MAD1L1: variants seen among roughly 807,000 people sequenced by gnomAD.
The protein encoded by MAD1L1 is mitotic arrest deficient 1 like 1.
A neutral mutation model predicts 96.9 loss-of-function variants in MAD1L1; 95 were observed. That is an observed-to-expected ratio of 0.98 (90% CI 0.83 to 1.16). The LOEUF (loss-of-function observed/expected upper bound fraction) is 1.16. MAD1L1 is among the 50% of genes most tolerant of loss of function. The pLI is 0.00. For missense variants in MAD1L1, 1,007 were observed against 954.4 expected (o/e 1.06, Z -0.73); for synonymous variants, 473 against 396.6 (o/e 1.19, Z -2.29).
At chr7:2,223,966 T>C (rs1338546911) in intron 4 of MAD1L1, among the ~76,000 whole-genome samples, 1 of 152,064 alleles carries the variant, frequency 6.6e-6, no homozygotes, top group Non-Finnish European at 1.5e-5. Flanking sequence ...TGTTAGAAGG[T>C]GGCTGGAGCT....
At chr7:2,213,349 A>AGTGGT in intron 9 of MAD1L1, 76 bp from the exon 10 acceptor site, 1 of 1,389,088 alleles carries the variant, frequency 7.2e-7, no homozygotes, top group Admixed American at 1.7e-5. Flanking sequence ...AATCATGATC[A>AGTGGT]CGGTGCTAAG....
chr7:2,137,549 G>A (rs1788813179), intron 11 of MAD1L1, among the ~76,000 whole-genome samples: 1 of 152,106 alleles, frequency 6.6e-6, no homozygotes, highest in Non-Finnish European at 1.5e-5. Flanking sequence ...CACCACCTCT[G>A]GCCCAGGTGA....
intron 16 of MAD1L1, among the ~76,000 whole-genome samples, chr7:1,945,207 G>C (rs567382393): frequency 6.6e-6 from 1 of 152,240 alleles, no homozygotes; most frequent in East Asian, 1.9e-4. Context: ...GGGACACCCC[G>C]ATCAGCCTAA....
intron 10 of MAD1L1, among the ~76,000 whole-genome samples, chr7:2,159,778 T>C (rs1020355283): frequency 6.6e-6 from 1 of 152,184 alleles, no homozygotes; most frequent in Admixed American, 6.5e-5. Context: ...ATGGAACTTG[T>C]GTAAGAGGAA....
chr7:1,831,961 T>C (rs901121494), intron 18 of MAD1L1, among the ~76,000 whole-genome samples: 1 of 152,262 alleles, frequency 6.6e-6, no homozygotes, highest in Non-Finnish European at 1.5e-5. Context: ...TTTCTATGAC[T>C]GCTAACACAG....
intron 11 of MAD1L1, among the ~76,000 whole-genome samples, chr7:2,112,693 G>A (rs769693301): frequency 9.2e-5 from 14 of 152,184 alleles, no homozygotes; most frequent in African/African-American, 2.2e-4. Flanking sequence ...CCACCGAGGG[G>A]CCCTGGGGCC....
chr7:1,980,645 C>G, intron 14 of MAD1L1, 104 bp from the exon 15 acceptor site: 1 of 895,658 alleles, frequency 1.1e-6, no homozygotes, highest in Non-Finnish European at 1.8e-6. Context: ...GCACCCCCGC[C>G]CTGGGCTGGG....
intron 18 of MAD1L1, among the ~76,000 whole-genome samples, chr7:1,835,192 T>C (rs1302733457): frequency 6.6e-6 from 1 of 152,068 alleles, no homozygotes; most frequent in Non-Finnish European, 1.5e-5. Context: ...TATCTATGAA[T>C]GACGTACAGA....
intron 15 of MAD1L1, among the ~76,000 whole-genome samples, chr7:1,971,025 T>C (rs1385145410): frequency 2.0e-5 from 3 of 152,182 alleles, no homozygotes; most frequent in Non-Finnish European, 2.9e-5. Context: ...GCAGTTAGAA[T>C]TCAGTAGTGT....
chr7:2,177,038 C>G, intron 10 of MAD1L1, among the ~76,000 whole-genome samples: 1 of 151,746 alleles, frequency 6.6e-6, no homozygotes, highest in South Asian at 2.1e-4. Context: ...AGAAATGGTG[C>G]GCTTCAGTGG....
At chr7:2,079,759 G>A (rs553510533) in intron 11 of MAD1L1, 28 of 470,864 alleles carry the variant, frequency 5.9e-5, no homozygotes, top group Middle Eastern at 3.2e-4. Flanking sequence ...AAGCACGGCC[G>A]CAGGGAGACC....
chr7:1,820,856 C>T (rs553146353), intron 18 of MAD1L1, among the ~76,000 whole-genome samples: 22 of 152,062 alleles, frequency 1.4e-4, no homozygotes, highest in South Asian at 8.3e-4. Context: ...CCGAGGTGGG[C>T]GGATCACGAG....
chr7:2,096,441 C>T (rs1401933480), intron 11 of MAD1L1, among the ~76,000 whole-genome samples: 1 of 152,202 alleles, frequency 6.6e-6, no homozygotes, highest in Admixed American at 6.5e-5. Context: ...CTTTCACTCT[C>T]AAAAGCCAGG....
chr7:2,016,683 T>A (rs1562609952), intron 12 of MAD1L1, among the ~76,000 whole-genome samples: 1 of 4,914 alleles, frequency 2.0e-4, no homozygotes, highest in African/African-American at 2.3e-4. Context: ...GGGGCTCTCC[T>A]GCCGTCTGTC....
intron 12 of MAD1L1, among the ~76,000 whole-genome samples, chr7:2,047,546 T>C (rs920401317): frequency 6.6e-6 from 1 of 152,238 alleles, no homozygotes; most frequent in Non-Finnish European, 1.5e-5. Flanking sequence ...TGCTGTTTAA[T>C]AACTATCACA....
intron 18 of MAD1L1, among the ~76,000 whole-genome samples, chr7:1,818,101 T>TTTCAC (rs2128618630): frequency 6.6e-6 from 1 of 152,262 alleles, no homozygotes; most frequent in South Asian, 2.1e-4. Flanking sequence ...GAGAAAATCC[T>TTTCAC]TTCACTTCTG....
At chr7:2,160,233 CAAA>C (rs528993860) in intron 10 of MAD1L1, among the ~76,000 whole-genome samples, 4 of 109,402 alleles carry the variant, frequency 3.7e-5, no homozygotes, top group Non-Finnish European at 3.8e-5. Flanking sequence ...TACCCTGTCT[CAAA>C]AAAAAAAAAA....
intron 11 of MAD1L1, among the ~76,000 whole-genome samples, chr7:2,106,694 C>T (rs1029756249): frequency 2.0e-5 from 3 of 152,234 alleles, no homozygotes; most frequent in African/African-American, 7.2e-5. Context: ...TGCACTGGAA[C>T]GTGTTGTCCC....
chr7:1,852,429 C>T (rs1359943059), intron 18 of MAD1L1, among the ~76,000 whole-genome samples: 1 of 152,148 alleles, frequency 6.6e-6, no homozygotes, highest in Non-Finnish European at 1.5e-5. Context: ...CTCAATGGAC[C>T]TTGCACTGGG....
Sources: gnomAD v4.1 joint callset for allele counts (sites outside exome capture counted in the v4.1 genomes callset) on GRCh38, gnomAD v4.1.1 for gene constraint, MANE v1.5 for transcripts, NCBI Gene and HGNC (gene_info 2026-07-23, HGNC 2026-07-21) for gene names.